CPNE4: variants seen among roughly 807,000 people sequenced by gnomAD.
The protein encoded by CPNE4 is copine-4.
Under a neutral mutation model 67.9 loss-of-function variants are expected in CPNE4, and 25 were observed. The observed-to-expected ratio is 0.37, with a 90% CI of 0.27 to 0.51. The LOEUF is 0.51. CPNE4 is among the 20% of genes least tolerant of loss of function. CPNE4 has a pLI of 0.93. For missense variants in CPNE4, 464 were observed against 690.8 expected (o/e 0.67, Z 3.68); for synonymous variants, 242 against 244.9 (o/e 0.99, Z 0.11).
rs575501289 is a variant in CPNE4 at position 131,979,272 on chromosome 3, G to A, written c.-2+55295C>T. The stretch of plus-strand genomic sequence containing the variant: ...TTGTCTTGATGACATGTCTAATGCT[G>A]TCAGTGGAGTCTTAAAGTTTCCCAC... On this transcript the variant is annotated intron_variant, in intron 1 of 15. Coordinates refer to ENST00000429747, the MANE Select transcript of CPNE4 (RefSeq NM_130808.3). 2.4e-4 allele frequency among the ~76,000 whole-genome samples: 36 copies of A among 152,220 alleles called. No individual in the cohort carries two copies. The South Asian group carries it at 6.2e-3, about 26-fold the overall frequency.
At chr3:131,736,923 A>T (rs1178390885) in intron 2 of CPNE4, among the ~76,000 whole-genome samples, 1 of 152,170 alleles carries the variant, frequency 6.6e-6, no homozygotes, top group Non-Finnish European at 1.5e-5. Context: ...TAATCTCAAC[A>T]GATCTTCAAT....
chr3:132,034,324 G>T (rs1039818543), intron 1 of CPNE4, among the ~76,000 whole-genome samples: 1 of 151,946 alleles, frequency 6.6e-6, no homozygotes, highest in African/African-American at 2.4e-5. Flanking sequence ...AACTCCATTC[G>T]CCCCACCCCA....
intron 2 of CPNE4, among the ~76,000 whole-genome samples, chr3:131,810,987 C>G (rs1484744929): frequency 6.6e-6 from 1 of 151,938 alleles, no homozygotes. Flanking sequence ...TAGTCAAACT[C>G]ATAGAGCAGA....
At chr3:131,897,571 A>AT (rs768449055) in intron 2 of CPNE4, among the ~76,000 whole-genome samples, 11 of 151,828 alleles carry the variant, frequency 7.2e-5, no homozygotes, top group Admixed American at 5.3e-4. Context: ...ACTATATACA[A>AT]TTTTTTTTGT....
At chr3:132,015,742 G>A (rs527987560) in intron 1 of CPNE4, among the ~76,000 whole-genome samples, 12 of 152,326 alleles carry the variant, frequency 7.9e-5, no homozygotes, top group African/African-American at 2.9e-4. Flanking sequence ...ATGAGGCTAA[G>A]CCATTGAAGG....
chr3:131,806,877 G>T (rs1048787777), intron 2 of CPNE4, among the ~76,000 whole-genome samples: 4 of 152,166 alleles, frequency 2.6e-5, no homozygotes, highest in Non-Finnish European at 5.9e-5. Context: ...CTGAGAGACG[G>T]TTAAGAAGGG....
intron 1 of CPNE4, among the ~76,000 whole-genome samples, chr3:131,991,894 T>C (rs2073182818): frequency 7.3e-6 from 1 of 136,314 alleles, no homozygotes; most frequent in African/African-American, 2.5e-5. Flanking sequence ...GGTCAGGCTG[T>C]GGCTTCAGAG....
chr3:131,881,653 G>A (rs191279949), intron 2 of CPNE4, among the ~76,000 whole-genome samples: 7 of 151,572 alleles, frequency 4.6e-5, no homozygotes, highest in Admixed American at 2.0e-4. Flanking sequence ...CAAGTCTGTC[G>A]TATTATTATA....
intron 1 of CPNE4, among the ~76,000 whole-genome samples, chr3:131,982,691 A>AT (rs1183246255): frequency 1.3e-5 from 2 of 152,114 alleles, no homozygotes; most frequent in Admixed American, 6.6e-5. Context: ...GTACATATTG[A>AT]TTTTTTTAGA....
chr3:131,926,899 T>G (rs984635259), intron 1 of CPNE4, among the ~76,000 whole-genome samples: 12 of 152,072 alleles, frequency 7.9e-5, no homozygotes, highest in Admixed American at 7.9e-4. Context: ...ATGGAACAGC[T>G]TGGGCGAAGG....
intron 1 of CPNE4, among the ~76,000 whole-genome samples, chr3:131,976,835 C>T (rs1453322251): frequency 2.0e-5 from 3 of 151,430 alleles, no homozygotes; most frequent in Admixed American, 6.6e-5. Context: ...AGAGTCTCAC[C>T]GTGTCACCCA....
chr3:131,737,141 T>TTTTTTTTTTC (rs1491475059), intron 2 of CPNE4, among the ~76,000 whole-genome samples: 26 of 106,084 alleles, frequency 2.5e-4, no homozygotes, highest in African/African-American at 9.0e-4. Context: ...TTTTTTTTTT[T>TTTTTTTTTTC]GAGAGGGAGT....
intron 1 of CPNE4, among the ~76,000 whole-genome samples, chr3:132,005,342 T>TATAC (rs1433266410): frequency 5.8e-5 from 5 of 86,500 alleles, no homozygotes; most frequent in Admixed American, 3.1e-4. Context: ...TATATATATA[T>TATAC]ACACACACAC....
At chr3:131,940,955 T>C (rs2107856363) in intron 1 of CPNE4, among the ~76,000 whole-genome samples, 1 of 152,208 alleles carries the variant, frequency 6.6e-6, no homozygotes, top group African/African-American at 2.4e-5. Context: ...CTAAAGATGC[T>C]GTCATGGACT....
chr3:131,625,305 G>A (rs1331198530), intron 7 of CPNE4, among the ~76,000 whole-genome samples: 1 of 151,944 alleles, frequency 6.6e-6, no homozygotes, highest in Non-Finnish European at 1.5e-5. Context: ...CATTTATTAG[G>A]CCTCTATTAT....
In CPNE4 at chr3:131,560,247, G is replaced by A. The variant is rs543964709; in HGVS notation, c.1061+3969C>T. Among the ~76,000 whole-genome samples, 9 of 152,104 alleles carry A rather than the reference G, an allele frequency of 5.9e-5. No homozygotes were observed. The East Asian group carries it at 1.4e-3, about 23-fold the overall frequency. On this transcript the variant is annotated intron_variant, in intron 11 of 15. Coordinates refer to ENST00000429747, the MANE Select transcript of CPNE4 (RefSeq NM_130808.3). ...CGATACATCTTCAATTTACAATGAA[G>A]AAAACCAAGGCCCATAGAATGCAAA... is the stretch of plus-strand genomic sequence containing the variant.
At chr3:131,735,903 C>A (rs1000571108) in intron 2 of CPNE4, among the ~76,000 whole-genome samples, 1 of 152,224 alleles carries the variant, frequency 6.6e-6, no homozygotes, top group African/African-American at 2.4e-5. Flanking sequence ...TGATCAACTT[C>A]TCTCCCCTAC....
intron 2 of CPNE4, among the ~76,000 whole-genome samples, chr3:131,744,377 CTTTTT>C (rs961908525): frequency 6.5e-5 from 9 of 137,908 alleles, no homozygotes; most frequent in African/African-American, 1.8e-4. Flanking sequence ...TTTAGTGAAA[CTTTTT>C]ATTTTGTGTC....
intron 2 of CPNE4, among the ~76,000 whole-genome samples, chr3:131,860,230 G>A (rs914645663): frequency 6.6e-6 from 1 of 152,174 alleles, no homozygotes; most frequent in Non-Finnish European, 1.5e-5. Context: ...GATGGTCACA[G>A]TAAAAAGCTA....
Sources: gnomAD v4.1 joint callset for allele counts (sites outside exome capture counted in the v4.1 genomes callset) on GRCh38, gnomAD v4.1.1 for gene constraint, MANE v1.5 for transcripts, NCBI Gene and HGNC (gene_info 2026-07-23, HGNC 2026-07-21) for gene names.